The following ZFAT variants were observed in gnomAD, a reference collection of about 807,000 sequenced individuals.
The protein encoded by ZFAT is zinc finger and AT-hook domain containing.
In ZFAT, 64 loss-of-function variants were observed where a neutral mutation model predicts 117.7. The ratio of observed to expected loss-of-function variants is 0.54; its 90% CI spans 0.44 to 0.67. The LOEUF (loss-of-function observed/expected upper bound fraction) is 0.67, where lower values mean the gene tolerates loss of function less well. Among genes scored for constraint, ZFAT ranks in the 30% least tolerant of loss-of-function variants. The probability of loss-of-function intolerance (pLI) is 0.00; values close to 1 mark genes in which losing one functional copy is unlikely to be tolerated. For missense variants in ZFAT, 1,433 were observed against 1,584.5 expected (o/e 0.90, Z 1.62); for synonymous variants, 679 against 615.0 (o/e 1.10, Z -1.54).
intron 13 of ZFAT, among the ~76,000 whole-genome samples, chr8:134,520,119 C>T (rs1332496740): frequency 6.6e-6 from 1 of 152,112 alleles, no homozygotes; most frequent in Non-Finnish European, 1.5e-5. Context: ...GTGATTTTTA[C>T]CCCCAGGAAA....
At chr8:134,762,207 T>G in the ZFAT span, among the ~76,000 whole-genome samples, 1 of 152,194 alleles carries the variant, frequency 6.6e-6, no homozygotes, top group African/African-American at 2.4e-5. Context: ...AGAGGGGCAG[T>G]AAATAACTAG....
chr8:134,533,004 G>A (rs1821544996), intron 11 of ZFAT, 32 bp from the exon 12 acceptor site: 2 of 1,577,890 alleles, frequency 1.3e-6, no homozygotes, highest in East Asian at 2.3e-5. Flanking sequence ...GTTAGGAAAG[G>A]TGAGCCCCAG....
the ZFAT span, chr8:134,804,992 T>C: frequency 5.8e-6 from 3 of 516,238 alleles, no homozygotes; most frequent in East Asian, 1.7e-4. Flanking sequence ...ACATAAATGT[T>C]GCCAGTCATC....
the ZFAT span, among the ~76,000 whole-genome samples, chr8:134,803,365 C>A: frequency 6.6e-6 from 1 of 152,180 alleles, no homozygotes; most frequent in Non-Finnish European, 1.5e-5. Flanking sequence ...GGGAAGACTT[C>A]TGAGCTCAGC....
chr8:134,520,680 A>G (rs1297610707), intron 13 of ZFAT, among the ~76,000 whole-genome samples: 1 of 152,208 alleles, frequency 6.6e-6, no homozygotes, highest in African/African-American at 2.4e-5. Context: ...TCAACCCAGA[A>G]TAAGAATTCA....
the ZFAT span, among the ~76,000 whole-genome samples, chr8:134,767,724 T>C: frequency 1.3e-5 from 2 of 152,082 alleles, no homozygotes; most frequent in Admixed American, 1.3e-4. Flanking sequence ...TATTTCTCAC[T>C]TTTTTTTAAA....
At chr8:134,627,191 T>C (rs1423931477) in intron 3 of ZFAT, among the ~76,000 whole-genome samples, 1 of 152,188 alleles carries the variant, frequency 6.6e-6, no homozygotes, top group African/African-American at 2.4e-5. Flanking sequence ...TTTACACCAT[T>C]CTGGGAGTGC....
upstream of ZFAT, chr8:134,713,034 A>G (rs1014845364): frequency 2.1e-5 from 15 of 731,038 alleles, no homozygotes; most frequent in African/African-American, 2.8e-4. Context: ...TGGCGGATGG[A>G]GTCTTCGCCC....
rs144550976 is a variant in ZFAT, at chr8:134,641,932, A to G, written c.197-4220T>C. ...CGGCCAAAGGATTACTTCTAACTCA[A>G]TCAAAACACAACGTGAACACTATGA... On this transcript the variant is annotated intron_variant, in intron 2 of 15. Coordinates refer to ENST00000377838, the MANE Select transcript of ZFAT (RefSeq NM_020863.4). Among the ~76,000 whole-genome samples the G allele has an allele frequency of 2.6e-5, 4 of 152,382 alleles. No individual in the cohort carries two copies. The East Asian group carries it at 7.7e-4, about 29-fold the overall frequency.
chr8:134,685,568 A>AT (rs1833279717), intron 1 of ZFAT, among the ~76,000 whole-genome samples: 1 of 152,190 alleles, frequency 6.6e-6, no homozygotes, highest in Non-Finnish European at 1.5e-5. Flanking sequence ...GATATAAGTG[A>AT]TACCAACCCA....
chr8:134,657,821 G>T, intron 1 of ZFAT, 84 bp from the exon 2 acceptor site: 1 of 1,449,098 alleles, frequency 6.9e-7, no homozygotes, highest in Non-Finnish European at 9.3e-7. Flanking sequence ...AATACCGAAA[G>T]CTGCCCTTCT....
chr8:134,550,057 G>A (rs1048019814), intron 11 of ZFAT, among the ~76,000 whole-genome samples: 4 of 152,086 alleles, frequency 2.6e-5, no homozygotes, highest in African/African-American at 7.2e-5. Context: ...CGGGATATCA[G>A]GTGAATGAGA....
At chr8:134,548,049 T>C (rs547026994) in intron 11 of ZFAT, among the ~76,000 whole-genome samples, 4 of 152,336 alleles carry the variant, frequency 2.6e-5, no homozygotes, top group Admixed American at 1.3e-4. Context: ...TGTTCCCTTG[T>C]GGCTCCAAGC....
intron 8 of ZFAT, among the ~76,000 whole-genome samples, chr8:134,589,360 T>C (rs1826283684): frequency 6.6e-6 from 1 of 152,246 alleles, no homozygotes. Flanking sequence ...AGTGCCCTTC[T>C]ATTATTTCTT....
At chr8:134,531,191 C>A (rs925258586) in intron 12 of ZFAT, among the ~76,000 whole-genome samples, 4 of 152,144 alleles carry the variant, frequency 2.6e-5, no homozygotes, top group Non-Finnish European at 4.4e-5. Flanking sequence ...TTTTCCAAGG[C>A]AATGATGAAA....
At chr8:134,610,007 T>C (rs531091416) in intron 4 of ZFAT, among the ~76,000 whole-genome samples, 2 of 152,308 alleles carry the variant, frequency 1.3e-5, no homozygotes, top group African/African-American at 2.4e-5. Context: ...ATCTTTTCTA[T>C]GTGCAGAGAG....
chr8:134,734,885 T>C, the ZFAT span, among the ~76,000 whole-genome samples: 1 of 152,116 alleles, frequency 6.6e-6, no homozygotes, highest in East Asian at 1.9e-4. Flanking sequence ...TGTAACCTAA[T>C]CCTCTTATCA....
intron 11 of ZFAT, among the ~76,000 whole-genome samples, chr8:134,548,217 A>G (rs1298599575): frequency 6.6e-6 from 1 of 152,258 alleles, no homozygotes; most frequent in Non-Finnish European, 1.5e-5. Flanking sequence ...AAAACTAAAC[A>G]AAGAGCCTCA....
intron 1 of ZFAT, among the ~76,000 whole-genome samples, chr8:134,704,365 G>A (rs773737489): frequency 1.3e-5 from 2 of 152,310 alleles, no homozygotes; most frequent in South Asian, 2.1e-4. Context: ...TCATGTCCCT[G>A]AGCCTGTTAT....
Sources: gnomAD v4.1 joint callset for allele counts (sites outside exome capture counted in the v4.1 genomes callset) on GRCh38, gnomAD v4.1.1 for gene constraint, MANE v1.5 for transcripts, NCBI Gene and HGNC (gene_info 2026-07-23, HGNC 2026-07-21) for gene names.